The following MGAT1 variants were observed in gnomAD, a reference collection of about 807,000 sequenced individuals.
The protein encoded by MGAT1 is N-glycosyl-oligosaccharide-glycoprotein N-acetylglucosaminyltransferase I.
A neutral mutation model predicts 31.7 loss-of-function variants in MGAT1; 14 were observed. The observed-to-expected ratio is 0.44, with a 90% CI of 0.29 to 0.69. The LOEUF (loss-of-function observed/expected upper bound fraction) is 0.69. Among genes scored for constraint, MGAT1 ranks in the 30% least tolerant of loss-of-function variants. The pLI, the probability that MGAT1 is intolerant of heterozygous loss-of-function variation, is 0.12. For missense variants in MGAT1, 557 were observed against 626.0 expected (o/e 0.89, Z 1.18); for synonymous variants, 338 against 276.0 (o/e 1.22, Z -2.23).
Position 180,788,968 on chromosome 5 carries a change from CG to C in MGAT1, c.*2665del, listed in dbSNP as rs1468161947. ...GCGGCCAAACTCCTCCTGGCTCCACCGGAAAGGGCACAATGCAGCTATCGCC... is the reference window on the plus strand; with the variant it reads ...GCGGCCAAACTCCTCCTGGCTCCACCGAAAGGGCACAATGCAGCTATCGCC... On this transcript the variant is annotated 3_prime_UTR_variant, in exon 2 of 2. Transcript: ENST00000307826. 6.6e-6 allele frequency: 1 copy of C among 152,236 alleles called. No homozygotes were observed. Among genetic ancestry groups the C allele is most frequent in the African/African-American group, 2.4e-5 (1 of 41,442 alleles). 9.4% of individuals were successfully genotyped at this position (152,236 alleles called of 1,614,324 possible).
intron 1 of MGAT1, among the ~76,000 whole-genome samples, chr5:180,799,239 A>T (rs1770165134): frequency 6.6e-6 from 1 of 151,958 alleles, no homozygotes; most frequent in Admixed American, 6.6e-5. Flanking sequence ...TCCCTTTTCA[A>T]CCTTACCTCC....
rs1768132567 is a variant in MGAT1 at position 180,791,720 on chromosome 5, C to A, written c.1252G>T (p.Gly418Cys). The A allele has an allele frequency of 4.3e-6, 7 of 1,613,932 alleles. No homozygotes were observed. The highest frequency in any genetic ancestry group is 5.9e-6 in the Non-Finnish European group (7 of 1,180,036). Reference sequence around the variant, plus strand: ...CCCCGGAACTGGAAGGTGACAATACCCCGGTAGCCAGCTCTCGGAACCCCC... The same window carrying A: ...CCCCGGAACTGGAAGGTGACAATACACCGGTAGCCAGCTCTCGGAACCCCC... ...KSGVPRAGYR[G>C]IVTFQFRGRR... is the part of the protein sequence containing the mutation. The change falls in exon 2 of 2, where the codon GGT (glycine) becomes TGT (cysteine). Residue 418 changes from glycine to cysteine, a missense_variant. By Grantham distance (159) the Gly-to-Cys change is radical. This residue lies in a region of MGAT1 where 145 missense variants were observed against 143.2 expected (regional missense o/e 1.01). Coordinates refer to ENST00000307826, the MANE Select transcript of MGAT1 (RefSeq NM_002406.4).
Position 180,791,906 on chromosome 5 carries a change from G to A in MGAT1, c.1066C>T (p.Arg356Ter), listed in dbSNP as rs1218730799. 2 of 1,614,102 alleles carry A rather than the reference G, an allele frequency of 1.2e-6. No individual in the cohort carries two copies. The highest frequency in any genetic ancestry group is 1.7e-6 in the Non-Finnish European group (2 of 1,180,050). Residue 356 changes from arginine (R) to a stop codon, truncating the protein, a stop_gained, in exon 2 of 2, where the codon CGA becomes TGA. Transcript: ENST00000307826. LOFTEE classifies it high-confidence loss of function. Reference protein sequence around the residue: ...LSYLQREAYDRDFLARVYGAP... With the variant: ...LSYLQREAYD ...CCGTAGACGCGGGCGAGGAAATCTC[G>A]GTCATAGGCCTCCCGCTGCAGGTAA...
chr5:180,796,572 T>C (rs1158989712), intron 1 of MGAT1, among the ~76,000 whole-genome samples: 3 of 152,156 alleles, frequency 2.0e-5, no homozygotes, highest in Admixed American at 6.5e-5. Flanking sequence ...AGAAAGTTTA[T>C]GTGGAAGAAA....
chr5:180,811,714 C>T (rs374664999), intron 1 of MGAT1, among the ~76,000 whole-genome samples: 1 of 151,234 alleles, frequency 6.6e-6, no homozygotes, highest in African/African-American at 2.4e-5. Context: ...GGGATCCTGT[C>T]GTTTCTGTGC....
intron 1 of MGAT1, among the ~76,000 whole-genome samples, chr5:180,794,310 G>A (rs1768860404): frequency 6.6e-6 from 1 of 151,530 alleles, no homozygotes; most frequent in Non-Finnish European, 1.5e-5. Flanking sequence ...GATCACCTGA[G>A]TCTGGGAGGC....
At chr5:180,812,934 T>C (rs618717) in intron 1 of MGAT1, among the ~76,000 whole-genome samples, 27,327 of 152,028 alleles carry the variant, frequency 0.18, 2,850 homozygotes, top group African/African-American at 0.29. Context: ...AGAAATAAGT[T>C]TATGAAAAAT....
intron 1 of MGAT1, chr5:180,795,277 G>GTATATATA (rs59231160): frequency 9.2e-5 from 13 of 141,968 alleles, no homozygotes; most frequent in African/African-American, 3.3e-4. Context: ...ACTTTTACAG[G>GTATATATA]TATATATATA....
chr5:180,796,887 C>G (rs1020241616), intron 1 of MGAT1, among the ~76,000 whole-genome samples: 1 of 152,180 alleles, frequency 6.6e-6, no homozygotes, highest in African/African-American at 2.4e-5. Flanking sequence ...GCTGGGATTA[C>G]AGGTGTGAGC....
Position 180,787,717 on chromosome 5 carries a change from C to T in MGAT1, c.*3917G>A, listed in dbSNP as rs1476174654. 6.6e-6 allele frequency: 1 copy of T among 152,296 alleles called. No homozygotes were observed. Among genetic ancestry groups the T allele is most frequent in the Non-Finnish European group, 1.5e-5 (1 of 68,086 alleles). The allele number at this position is 152,296 out of a possible 1,614,324, so 9.4% of individuals were successfully genotyped here. A position where few individuals can be genotyped will look rare whatever the true frequency, so the allele number is the denominator to read the frequency against. On this transcript the variant is annotated 3_prime_UTR_variant, in exon 2 of 2. Coordinates refer to ENST00000307826, the MANE Select transcript of MGAT1 (RefSeq NM_002406.4). Reference sequence around the variant, plus strand: ...CTAAATGCCCCCCACCTCCCACCCTCTTGGCCTGCTCTGAGGGCTTCGTCT... The same window carrying T: ...CTAAATGCCCCCCACCTCCCACCCTTTTGGCCTGCTCTGAGGGCTTCGTCT...
intron 2 of MGAT1, among the ~76,000 whole-genome samples, chr5:180,807,885 G>C (rs555786443): frequency 6.6e-6 from 1 of 152,344 alleles, no homozygotes; most frequent in African/African-American, 2.4e-5. Context: ...ACTCAGAGTT[G>C]TTTCTGTGCT....
Position 180,788,689 on chromosome 5 carries a change from C to T in MGAT1, c.*2945G>A, listed in dbSNP as rs989760896. Reference sequence around the variant, plus strand: ...AAGTAAGTTGGTACTTATCCTGGAGCACTAAGTAAGTTGGTACTTATCCTG... The same window carrying T: ...AAGTAAGTTGGTACTTATCCTGGAGTACTAAGTAAGTTGGTACTTATCCTG... On this transcript the variant is annotated 3_prime_UTR_variant, in exon 2 of 2. Coordinates refer to ENST00000307826, the MANE Select transcript of MGAT1 (RefSeq NM_002406.4). The T allele has an allele frequency of 6.7e-6, 1 of 148,992 alleles. No homozygotes were observed. Among genetic ancestry groups the T allele is most frequent in the African/African-American group, 2.5e-5 (1 of 40,304 alleles). The allele number at this position is 148,992 out of a possible 1,614,324, so 9.2% of individuals were successfully genotyped here. A position where few individuals can be genotyped will look rare whatever the true frequency, so the allele number is the denominator to read the frequency against.
At chr5:180,810,269 C>G (rs1168300566) in intron 1 of MGAT1, 2 of 152,138 alleles carry the variant, frequency 1.3e-5, no homozygotes, top group Non-Finnish European at 2.9e-5. Context: ...GCCCATTTTT[C>G]TACCCAACGT....
intron 1 of MGAT1, chr5:180,810,514 C>G (rs1021175196): frequency 6.6e-6 from 1 of 152,274 alleles, no homozygotes; most frequent in East Asian, 1.9e-4. Context: ...ACGCATGCGT[C>G]GCGGGGGGGT....
At chr5:180,810,174 C>T in intron 1 of MGAT1, 1 of 151,372 alleles carries the variant, frequency 6.6e-6, no homozygotes, top group Non-Finnish European at 1.5e-5. Context: ...TCCCCTCGCA[C>T]TCCTTCCCCC....
chr5:180,795,409 A>C (rs1320715599), intron 1 of MGAT1: 2 of 152,194 alleles, frequency 1.3e-5, no homozygotes, highest in Non-Finnish European at 2.9e-5. Context: ...AACTTTTTTT[A>C]AAAAGACGTT....
upstream of MGAT1, among the ~76,000 whole-genome samples, chr5:180,804,742 C>T (rs1427386982): frequency 6.6e-6 from 1 of 152,178 alleles, no homozygotes; most frequent in African/African-American, 2.4e-5. Flanking sequence ...AAATCACCTT[C>T]CAGGAGAAAG....
At chr5:180,812,656 T>TC (rs1283666634) in intron 1 of MGAT1, among the ~76,000 whole-genome samples, 1 of 152,202 alleles carries the variant, frequency 6.6e-6, no homozygotes, top group Non-Finnish European at 1.5e-5. Context: ...TTTCTATAAT[T>TC]CGAGTCAATT....
intron 1 of MGAT1, chr5:180,795,585 T>C (rs975161936): frequency 2.6e-5 from 4 of 152,162 alleles, no homozygotes; most frequent in South Asian, 2.1e-4. Flanking sequence ...TCTGCACACA[T>C]AGAGAGCAAA....
Sources: allele counts gnomAD v4.1 joint callset (sites outside exome capture counted in the v4.1 genomes callset), GRCh38; gene constraint gnomAD v4.1.1; regional missense constraint gnomAD v4.1.1; transcripts MANE v1.5; gene names NCBI Gene and HGNC (gene_info 2026-07-23, HGNC 2026-07-21).